Variants in SECISBP2 observed in about 807,000 individuals in gnomAD.
SECISBP2 encodes SECIS binding protein 2, also known as selenocysteine insertion sequence-binding protein 2.
In SECISBP2, 96 loss-of-function variants were observed where a neutral mutation model predicts 98.2. That is an observed-to-expected ratio of 0.98 (90% CI 0.83 to 1.16). SECISBP2 has a LOEUF of 1.16. SECISBP2 is among the 50% of genes most tolerant of loss of function. The pLI is 0.00. For synonymous variants in SECISBP2, 407 were observed against 370.2 expected, an observed-to-expected ratio of 1.10 and a Z score of -1.14; for missense variants, 1,046 against 1,022.9, an observed-to-expected ratio of 1.02 and a Z score of -0.31.
rs1484874025 is a variant in SECISBP2 at position 89,324,395 on chromosome 9, A to C, written c.183-1032A>C. 8 of 152,252 alleles carry C rather than the reference A, an allele frequency of 5.3e-5. No homozygotes were observed. The East Asian group carries it at 1.5e-3, about 29-fold the overall frequency. 9.4% of individuals were successfully genotyped at this position (152,252 alleles called of 1,614,324 possible). On this transcript the variant is annotated intron_variant, in intron 2 of 16. Coordinates refer to ENST00000375807, the MANE Select transcript of SECISBP2 (RefSeq NM_024077.5). ...AAAAGATCTTAGAAAATCTAAGTTA[A>C]CATATCATGAAATAGTAAACAGTGA...
intron 4 of SECISBP2, among the ~76,000 whole-genome samples, chr9:89,327,505 C>A (rs1826944383): frequency 6.6e-6 from 1 of 152,110 alleles, no homozygotes; most frequent in East Asian, 1.9e-4. Flanking sequence ...TTGGCTTGGA[C>A]AAAAATATTT....
Position 89,349,816 on chromosome 9 carries a change from T to A in SECISBP2, c.1779T>A (p.Val593=). 6.2e-7 allele frequency: 1 copy of A among 1,614,144 alleles called. No homozygotes were observed. The highest frequency in any genetic ancestry group is 8.5e-7 in the Non-Finnish European group (1 of 1,180,018). Residue 593 remains valine (V), a synonymous_variant, in exon 13 of 17, where the codon GTT becomes GTA. Transcript: ENST00000375807. ...GMDELISTPS[V]EDKSEEPPGT... ...ACGAACTGATCTCCACTCCTTCGGT[T>A]GAGGACAAGTCTGAAGAGCCACCAG...
In SECISBP2 at chr9:89,324,278, G is replaced by GT. The variant is rs765411311; in HGVS notation, c.183-1147dup. The GT allele has an allele frequency of 2.2e-4, 34 of 152,268 alleles. No homozygotes were observed. In the East Asian group the frequency reaches 6.6e-3, roughly 29 times the overall value. 9.4% of individuals were successfully genotyped at this position (152,268 alleles called of 1,614,324 possible). A position where few individuals can be genotyped will look rare whatever the true frequency, so the allele number is the denominator to read the frequency against. On this transcript the variant is annotated intron_variant, in intron 2 of 16. Transcript: ENST00000375807. ...GTATGTTTGGAGCAGTGCTAGGCCA[G>GT]TTGTTTTGTTGGACAGACAAAGGTC...
downstream of SECISBP2, chr9:89,363,993 A>G: frequency 6.2e-7 from 1 of 1,613,788 alleles, no homozygotes; most frequent in East Asian, 2.2e-5. Flanking sequence ...CACATTTAGG[A>G]CCCAAAGAAG....
downstream of SECISBP2, chr9:89,363,367 A>T: frequency 6.3e-7 from 1 of 1,595,540 alleles, no homozygotes; most frequent in Non-Finnish European, 8.5e-7. Flanking sequence ...GATCCACTGG[A>T]TGTGGCAGGT....
intron 1 of SECISBP2, 64 bp downstream of exon 1, chr9:89,318,676 C>A (rs1156785129): frequency 5.0e-5 from 67 of 1,347,124 alleles, no homozygotes; most frequent in Non-Finnish European, 6.0e-5. Context: ...ACTGGGGGCT[C>A]GGCCGGGCGG....
chr9:89,336,194 TC>T (rs1264183425), intron 7 of SECISBP2, among the ~76,000 whole-genome samples: 1 of 138,426 alleles, frequency 7.2e-6, no homozygotes, highest in Non-Finnish European at 1.5e-5. Context: ...CACCACCACA[TC>T]CAACTAGTAT....
At chr9:89,327,961 A>C (rs890192481) in intron 4 of SECISBP2, among the ~76,000 whole-genome samples, 1 of 152,056 alleles carries the variant, frequency 6.6e-6, no homozygotes. Flanking sequence ...ATGCGCCCCC[A>C]CACCCAGCTA....
At position 89,334,561 on chromosome 9, in the gene SECISBP2, CA is replaced by C. The variant is rs1235403899; in HGVS notation, c.921del (p.Leu308TyrfsTer15). 6.2e-7 allele frequency: 1 copy of C among 1,614,054 alleles called. No homozygotes were observed. Among genetic ancestry groups the C allele is most frequent in the Non-Finnish European group, 8.5e-7 (1 of 1,180,044 alleles). The stretch of plus-strand genomic sequence containing the variant: ...CCAATGGGTTATGTTGTTCGACAGA[CA>C]TTATCTACAGAACTGTCAGCAGCCC... ...WTPMGYVVRQ[T>X]LSTELSAAPK... is the part of the protein sequence containing the mutation. On this transcript the variant is annotated frameshift_variant, in exon 7 of 17. Coordinates refer to ENST00000375807, the MANE Select transcript of SECISBP2 (RefSeq NM_024077.5). LOFTEE classifies it high-confidence loss of function.
intron 2 of SECISBP2, among the ~76,000 whole-genome samples, chr9:89,321,344 C>G (rs900437093): frequency 6.6e-6 from 1 of 152,224 alleles, no homozygotes; most frequent in South Asian, 2.1e-4. Context: ...TAATCAGAGA[C>G]TCAAGAATGG....
In SECISBP2 at chr9:89,325,592, C is replaced by G. The variant is rs752432903; in HGVS notation, c.348C>G (p.Pro116=). The change falls in exon 3 of 17, where the codon CCC becomes CCG. Residue 116 remains proline, a synonymous_variant. Coordinates refer to ENST00000375807, the MANE Select transcript of SECISBP2 (RefSeq NM_024077.5). The part of the protein sequence containing the change: ...VPGSQYLYNQ[P]SCYRGFQTVK... ...GCTCCCAGTATCTTTATAACCAACC[C>G]AGTTGTTACCGAGGTTTTCAAACAG... is the stretch of plus-strand genomic sequence containing the variant. The G allele has an allele frequency of 1.2e-6, 2 of 1,614,108 alleles. No individual in the cohort carries two copies. The highest frequency in any genetic ancestry group is 1.7e-5 in the Admixed American group (1 of 60,022).
chr9:89,339,760 C>A, intron 8 of SECISBP2, 104 bp from the exon 9 acceptor site: 2 of 832,944 alleles, frequency 2.4e-6, no homozygotes, highest in Non-Finnish European at 4.1e-6. Context: ...TTTTAAATCA[C>A]TTTTAAGGGA....
chr9:89,348,113 G>A lies in SECISBP2; in HGVS notation c.1637G>A (p.Arg546His), dbSNP rs368010037. ...ILKERQERKQ[R>H]LQENAVSPAF... ...AAAGAACGGCAAGAGAGAAAGCAGC[G>A]TCTCCAAGAAAATGCTGTGAGTCCA... Residue 546 changes from arginine (R) to histidine (H), a missense_variant, in exon 12 of 17, where the codon CGT becomes CAT. Coordinates refer to ENST00000375807, the MANE Select transcript of SECISBP2 (RefSeq NM_024077.5). The A allele has an allele frequency of 2.5e-5, 41 of 1,613,878 alleles. No homozygotes were observed. Among genetic ancestry groups the A allele is most frequent in the Non-Finnish European group, 2.5e-5 (30 of 1,179,756 alleles).
chr9:89,358,633 G>A (rs561602982), intron 16 of SECISBP2, 88 bp from the exon 17 acceptor site: 9 of 864,712 alleles, frequency 1.0e-5, no homozygotes, highest in Middle Eastern at 2.2e-4. Flanking sequence ...GTGGCCACAG[G>A]CTCCCTCTCT....
At chr9:89,336,098 T>TTTTTTTTTTTTTTTTTTTC (rs1554720217) in intron 7 of SECISBP2, among the ~76,000 whole-genome samples, 9 of 138,616 alleles carry the variant, frequency 6.5e-5, no homozygotes, top group Non-Finnish European at 1.1e-4. Context: ...TTTTTTTTTT[T>TTTTTTTTTTTTTTTTTTTC]TTTTTTTTTT....
chr9:89,363,278 T>G (rs567369092), downstream of SECISBP2: 12 of 1,068,450 alleles, frequency 1.1e-5, 1 homozygote, highest in East Asian at 2.9e-4. Flanking sequence ...CCCCCCCCAG[T>G]GTTGCAGATT....
At chr9:89,353,885 C>T (rs890712097) in intron 14 of SECISBP2, among the ~76,000 whole-genome samples, 3 of 152,146 alleles carry the variant, frequency 2.0e-5, no homozygotes, top group Admixed American at 6.5e-5. Flanking sequence ...TCATTGGTTC[C>T]GACACGTTTT....
chr9:89,364,458 C>T (rs544936318), downstream of SECISBP2: 1 of 209,808 alleles, frequency 4.8e-6, no homozygotes, highest in East Asian at 1.1e-4. Flanking sequence ...CCAATTGAGA[C>T]ACTGGGGTGG....
chr9:89,325,675 A>C lies in SECISBP2; in HGVS notation c.431A>C (p.Lys144Thr). The C allele has an allele frequency of 1.9e-6, 3 of 1,614,210 alleles. No homozygotes were observed. Among genetic ancestry groups the C allele is most frequent in the Non-Finnish European group, 8.5e-7 (1 of 1,180,026 alleles). The change falls in exon 3 of 17, where the codon AAG (lysine) becomes ACG (threonine). Residue 144 changes from lysine to threonine, a missense_variant and splice_region_variant. Coordinates refer to ENST00000375807, the MANE Select transcript of SECISBP2 (RefSeq NM_024077.5). The part of the protein sequence containing the change: ...PLPQEMKALF[K>T]KKTYDEKKTY... ...CCACAAGAAATGAAAGCTCTGTTTAAGGTGAGTAGTGATGTTGTTTTGTTG... is the reference window on the plus strand; with the variant it reads ...CCACAAGAAATGAAAGCTCTGTTTACGGTGAGTAGTGATGTTGTTTTGTTG...
Sources: allele counts gnomAD v4.1 joint callset (sites outside exome capture counted in the v4.1 genomes callset), GRCh38; gene constraint gnomAD v4.1.1; transcripts MANE v1.5; gene names NCBI Gene and HGNC (gene_info 2026-07-23, HGNC 2026-07-21).